Variants in SMAD7 observed in about 807,000 individuals in gnomAD.
SMAD7 encodes MAD (mothers against decapentaplegic, Drosophila) homolog 7.
Under a neutral mutation model 38.7 loss-of-function variants are expected in SMAD7, and 8 were observed. That is an observed-to-expected ratio of 0.21 (90% CI 0.12 to 0.37). The LOEUF (loss-of-function observed/expected upper bound fraction) is 0.37. SMAD7 is among the 10% of genes least tolerant of loss of function. The pLI, the probability that SMAD7 is intolerant of heterozygous loss-of-function variation, is 1.00. For missense variants in SMAD7, 477 were observed against 577.9 expected, an observed-to-expected ratio of 0.83 and a Z score of 1.79; for synonymous variants, 327 against 265.1, an observed-to-expected ratio of 1.23 and a Z score of -2.27.
chr18:48,942,436 C>CA, intron 3 of SMAD7, 45 bp downstream of exon 3: 1 of 1,380,110 alleles, frequency 7.2e-7, no homozygotes. Context: ...TTAGCAATTT[C>CA]AAAAAAGGTT....
In SMAD7 at chr18:48,950,270, C is replaced by T. The variant is rs1329258400; in HGVS notation, c.155G>A (p.Gly52Asp). The T allele has an allele frequency of 4.6e-6, 7 of 1,521,652 alleles. No homozygotes were observed. The highest frequency in any genetic ancestry group is 1.4e-5 in the African/African-American group (1 of 70,324). The allele number at this position is 1,521,652 out of a possible 1,614,324, so 94.3% of individuals were successfully genotyped here. A position where few individuals can be genotyped will look rare whatever the true frequency, so the allele number is the denominator to read the frequency against. ...ATDSRAHGAG[G>D]GGPGRAGCCL... ...GCATCCAGCCCTGCCCGGGCCGCCG[C>T]CACCGGCCCCATGCGCTCGGCTGTC... is the stretch of plus-strand genomic sequence containing the variant. Residue 52 changes from glycine to aspartate, a missense_variant, in exon 1 of 4, where the codon GGC (glycine) becomes GAC (aspartate). Transcript: ENST00000262158.
chr18:48,949,805 T>G lies in SMAD7; in HGVS notation c.613+7A>C, dbSNP rs571152810. 4.4e-6 allele frequency: 7 copies of G among 1,599,632 alleles called. No individual in the cohort carries two copies. In the South Asian group the frequency reaches 7.8e-5, roughly 18 times the overall value. On this transcript the variant is annotated splice_region_variant and intron_variant, in intron 1 of 3. Coordinates refer to ENST00000262158, the MANE Select transcript of SMAD7 (RefSeq NM_005904.4). The stretch of plus-strand genomic sequence containing the variant: ...AAAATGTTGGGGGTAGGGGGACAAC[T>G]TCTCACCTAGTTCGCAGAGTCGGCT...
chr18:48,943,046 T>C lies in SMAD7; in HGVS notation c.668-491A>G, dbSNP rs73958642. Reference sequence around the variant, plus strand: ...TTGGGCTGCCGGGACTTCTTTCCCCTTTTTTAATTGAGGACTAACTTAAGT... The same window carrying C: ...TTGGGCTGCCGGGACTTCTTTCCCCCTTTTTAATTGAGGACTAACTTAAGT... On this transcript the variant is annotated intron_variant, in intron 2 of 3. Coordinates refer to ENST00000262158, the MANE Select transcript of SMAD7 (RefSeq NM_005904.4). Among the ~76,000 whole-genome samples, 1,199 of 152,344 alleles carry C rather than the reference T, an allele frequency of 7.9e-3. 18 individuals carry two copies. Among genetic ancestry groups the C allele is most frequent in the African/African-American group, 0.028 (1,144 of 41,574 alleles).
intron 3 of SMAD7, among the ~76,000 whole-genome samples, chr18:48,931,777 C>T (rs1200217378): frequency 1.3e-5 from 2 of 152,246 alleles, no homozygotes; most frequent in Admixed American, 6.5e-5. Flanking sequence ...ATGTGGCCAG[C>T]CAGGGGCTGA....
chr18:48,948,552 G>A, intron 1 of SMAD7, 115 bp from the exon 2 acceptor site: 1 of 689,414 alleles, frequency 1.5e-6, no homozygotes, highest in Non-Finnish European at 2.4e-6. Flanking sequence ...GTGGGGGTTG[G>A]AGGCAGGGCC....
intron 2 of SMAD7, among the ~76,000 whole-genome samples, chr18:48,947,904 C>A (rs865869205): frequency 7.4e-6 from 1 of 134,868 alleles, no homozygotes; most frequent in African/African-American, 2.7e-5. Flanking sequence ...CCCCCCCCCC[C>A]TTTTACTGGC....
chr18:48,949,908 C>G lies in SMAD7; in HGVS notation c.517G>C (p.Glu173Gln), dbSNP rs1013111934. The change falls in exon 1 of 4, where the codon GAA becomes CAA. Residue 173 changes from glutamate to glutamine, a missense_variant. Glu to Gln is a conservative substitution (Grantham distance 29, BLOSUM62 2). This residue lies in a region of SMAD7 where 376 missense variants were observed against 379.4 expected (regional missense o/e 0.99). Transcript: ENST00000262158. ...TCACAGCAACACAGCCTCTTGACTT[C>G]CGAGGAATGCCTGAGATCCGGCCAC... The part of the protein sequence containing the change: ...FRWPDLRHSS[E>Q]VKRLCCCESY... 2 of 1,613,650 alleles carry G rather than the reference C, an allele frequency of 1.2e-6. No individual in the cohort carries two copies. Among genetic ancestry groups the G allele is most frequent in the African/African-American group, 2.7e-5 (2 of 74,932 alleles).
chr18:48,946,259 T>C (rs1481297675), intron 2 of SMAD7, among the ~76,000 whole-genome samples: 1 of 152,180 alleles, frequency 6.6e-6, no homozygotes, highest in Non-Finnish European at 1.5e-5. Context: ...AAATTCAACC[T>C]AAGGGACATA....
At chr18:48,933,360 C>T (rs1399164663) in intron 3 of SMAD7, among the ~76,000 whole-genome samples, 1 of 152,206 alleles carries the variant, frequency 6.6e-6, no homozygotes, top group South Asian at 2.1e-4. Flanking sequence ...CCCCTCCCGC[C>T]GGCTCCATCC....
chr18:48,933,261 T>C (rs2070024267), intron 3 of SMAD7, among the ~76,000 whole-genome samples: 1 of 152,088 alleles, frequency 6.6e-6, no homozygotes, highest in African/African-American at 2.4e-5. Context: ...CCCCCACCTA[T>C]GGCCTGGCTT....
Position 48,950,322 on chromosome 18 carries a change from C to A in SMAD7, c.103G>T (p.Gly35Cys), listed in dbSNP as rs1221917917. Residue 35 changes from glycine to cysteine, a missense_variant, in exon 1 of 4, where the codon GGC becomes TGC. Transcript: ENST00000262158. ...EEGAGGGGGG[G>C]ELRGEGATDS... The stretch of plus-strand genomic sequence containing the variant: ...GTCGCCCCTTCTCCCCGCAGCTCGC[C>A]TCCTCCTCCACCTCCCCCTGCGCCC... 6.5e-7 allele frequency: 1 copy of A among 1,537,844 alleles called. No individual in the cohort carries two copies. Among genetic ancestry groups the A allele is most frequent in the Admixed American group, 2.0e-5 (1 of 50,326 alleles).
intron 3 of SMAD7, among the ~76,000 whole-genome samples, chr18:48,939,048 G>A (rs1289632722): frequency 1.3e-5 from 2 of 151,982 alleles, no homozygotes; most frequent in South Asian, 2.1e-4. Flanking sequence ...CCACCCCAGC[G>A]ACAGGGACCC....
At chr18:48,941,381 G>A (rs540182848) in intron 3 of SMAD7, among the ~76,000 whole-genome samples, 77 of 152,310 alleles carry the variant, frequency 5.1e-4, no homozygotes, top group Non-Finnish European at 1.0e-4. Context: ...GACGTTCTCA[G>A]CAAGCTCAGT....
chr18:48,942,437 A>T, intron 3 of SMAD7, 44 bp downstream of exon 3: 1 of 1,386,130 alleles, frequency 7.2e-7, no homozygotes. Context: ...TAGCAATTTC[A>T]AAAAAGGTTG....
At chr18:48,932,613 G>A (rs2070015725) in intron 3 of SMAD7, among the ~76,000 whole-genome samples, 1 of 152,154 alleles carries the variant, frequency 6.6e-6, no homozygotes, top group Non-Finnish European at 1.5e-5. Flanking sequence ...ACTCCACAGA[G>A]CTTGGAAGCC....
intron 3 of SMAD7, among the ~76,000 whole-genome samples, chr18:48,937,014 G>A (rs1049059634): frequency 6.6e-6 from 1 of 151,952 alleles, no homozygotes; most frequent in East Asian, 1.9e-4. Context: ...AGGAGGCAGA[G>A]GTTGCAGTGA....
At chr18:48,924,955 C>T (rs1311487725) in intron 3 of SMAD7, among the ~76,000 whole-genome samples, 2 of 152,224 alleles carry the variant, frequency 1.3e-5, no homozygotes, top group African/African-American at 4.8e-5. Flanking sequence ...CATTTGGGCT[C>T]ATTTCTGGGA....
intron 3 of SMAD7, among the ~76,000 whole-genome samples, chr18:48,926,186 A>C (rs557567600): frequency 5.9e-5 from 9 of 152,360 alleles, no homozygotes; most frequent in African/African-American, 2.2e-4. Flanking sequence ...AGCAGCTCCA[A>C]GAACAGCCAT....
At chr18:48,946,430 C>CGGA (rs1555718200) in intron 2 of SMAD7, among the ~76,000 whole-genome samples, 1 of 145,904 alleles carries the variant, frequency 6.9e-6, no homozygotes, top group Non-Finnish European at 1.5e-5. Flanking sequence ...GTGAGGGGGG[C>CGGA]GGGGGGGGTG....
Sources: gnomAD v4.1 joint callset for allele counts (sites outside exome capture counted in the v4.1 genomes callset) on GRCh38, gnomAD v4.1.1 for gene constraint, gnomAD v4.1.1 regional missense constraint, MANE v1.5 for transcripts, NCBI Gene and HGNC (gene_info 2026-07-23, HGNC 2026-07-21) for gene names.